The following RAI2 variants were observed in gnomAD, a reference collection of about 807,000 sequenced individuals.
RAI2 encodes retinoic acid induced 2.
In RAI2, 5 loss-of-function variants were observed where a neutral mutation model predicts 15.3. The ratio of observed to expected loss-of-function variants is 0.33; its 90% CI spans 0.17 to 0.69. RAI2 has a LOEUF of 0.69. Ranked by LOEUF, RAI2 falls within the 30% of genes least tolerant of loss-of-function variation. RAI2 has a pLI of 0.69. For missense variants in RAI2, 424 were observed against 424.7 expected (o/e 1.00, Z 0.01); for synonymous variants, 191 against 184.0 (o/e 1.04, Z -0.31).
At chrX:17,810,024 G>A (rs1480414231) in intron 1 of RAI2, among the ~76,000 whole-genome samples, 1 of 111,314 alleles carries the variant, frequency 9.0e-6, no homozygotes, top group Non-Finnish European at 1.9e-5. Flanking sequence ...CTCCCACCTC[G>A]ACTTCCCAAA....
chrX:17,836,076 ACCCCTCAACTCCCACC>A (rs2067330540), intron 1 of RAI2, among the ~76,000 whole-genome samples: 1 of 109,573 alleles, frequency 9.1e-6, no homozygotes, highest in Admixed American at 9.7e-5. Context: ...AACAATACCC[ACCCCTCAACTCCCACC>A]CCTGCAACCC....
At chrX:17,804,859 C>G (rs1461658616) in intron 1 of RAI2, among the ~76,000 whole-genome samples, 1 of 112,784 alleles carries the variant, frequency 8.9e-6, no homozygotes, top group Non-Finnish European at 1.9e-5. Flanking sequence ...TCAGTCCCTT[C>G]CCTGCCTGGC....
intron 1 of RAI2, among the ~76,000 whole-genome samples, chrX:17,803,217 A>C (rs2066938212): frequency 1.8e-5 from 2 of 111,219 alleles, no homozygotes; most frequent in Non-Finnish European, 3.8e-5. Context: ...GGCCCAGCAC[A>C]CCATGGGGCT....
At chrX:17,818,134 T>G (rs947048453) in intron 1 of RAI2, among the ~76,000 whole-genome samples, 1 of 111,685 alleles carries the variant, frequency 9.0e-6, no homozygotes, top group African/African-American at 3.3e-5. Context: ...GCCCCTATTT[T>G]ATAGATCAAG....
intron 1 of RAI2, among the ~76,000 whole-genome samples, chrX:17,835,021 C>T (rs1391896481): frequency 9.0e-6 from 1 of 111,425 alleles, no homozygotes; most frequent in Non-Finnish European, 1.9e-5. Context: ...TTACTTTTCA[C>T]TGGCACCTGT....
chrX:17,805,939 C>T (rs906282321), intron 1 of RAI2, among the ~76,000 whole-genome samples: 1 of 111,695 alleles, frequency 9.0e-6, no homozygotes, highest in African/African-American at 3.3e-5. Flanking sequence ...AAGCCTCGTT[C>T]GGTCTTTCTC....
chrX:17,849,851 C>A (rs372406870), intron 1 of RAI2, among the ~76,000 whole-genome samples: 4 of 112,817 alleles, frequency 3.5e-5, no homozygotes, highest in Non-Finnish European at 7.5e-5. Context: ...ATTCTTGAAA[C>A]CAGAAAGCCT....
rs2067280837 is a variant in RAI2 at position 17,831,375 on chromosome X, C to CA, written c.-24-29342dup. On this transcript the variant is annotated intron_variant, in intron 1 of 1. Transcript: ENST00000451717. The stretch of plus-strand genomic sequence containing the variant: ...ATTAAAAAGCTTTTTTTTAAAAAAA[C>CA]AAAAAACAAAAAACAATAACTGGGC... 2.7e-5 allele frequency among the ~76,000 whole-genome samples: 3 copies of CA among 111,055 alleles called. No homozygotes were observed. In the Admixed American group the frequency reaches 2.9e-4, roughly 11 times the overall value.
chrX:17,822,802 C>T (rs1364851023), intron 1 of RAI2, among the ~76,000 whole-genome samples: 1 of 112,159 alleles, frequency 8.9e-6, no homozygotes, highest in Non-Finnish European at 1.9e-5. Context: ...GAACCGTCTA[C>T]TTTTAGTTAC....
chrX:17,841,184 G>A (rs760891169), intron 1 of RAI2, among the ~76,000 whole-genome samples: 1 of 110,858 alleles, frequency 9.0e-6, no homozygotes, highest in Non-Finnish European at 1.9e-5. Flanking sequence ...TCCTGCCACC[G>A]TCTGAGATAC....
intron 1 of RAI2, among the ~76,000 whole-genome samples, chrX:17,849,531 A>C (rs1569357315): frequency 8.9e-6 from 1 of 112,714 alleles, no homozygotes; most frequent in Non-Finnish European, 1.9e-5. Context: ...GAAATAAAAT[A>C]ATATATGTAA....
chrX:17,836,286 G>A (rs969336011), intron 1 of RAI2, among the ~76,000 whole-genome samples: 2 of 111,912 alleles, frequency 1.8e-5, no homozygotes, highest in African/African-American at 6.5e-5. Context: ...CCTGTCATAA[G>A]TTGAAAATAT....
chrX:17,835,155 A>C (rs756828814), intron 1 of RAI2, among the ~76,000 whole-genome samples: 3 of 112,146 alleles, frequency 2.7e-5, no homozygotes, highest in African/African-American at 9.7e-5. Context: ...CCCATACGCT[A>C]CCATTCAGAA....
chrX:17,818,186 T>A (rs2067126629), intron 1 of RAI2, among the ~76,000 whole-genome samples: 1 of 112,485 alleles, frequency 8.9e-6, no homozygotes. Context: ...ACGTCAGAGC[T>A]GACTTGAACC....
At chrX:17,835,334 T>C (rs1218393014) in intron 1 of RAI2, among the ~76,000 whole-genome samples, 1 of 112,316 alleles carries the variant, frequency 8.9e-6, no homozygotes, top group East Asian at 2.8e-4. Flanking sequence ...GTTAATAGAA[T>C]GTAACTTAAA....
Position 17,803,824 on chromosome X carries a change from T to G in RAI2, c.-24-1790A>C, listed in dbSNP as rs1367681093. 8.9e-5 allele frequency among the ~76,000 whole-genome samples: 10 copies of G among 111,983 alleles called. No individual in the cohort carries two copies. The Admixed American group carries it at 9.3e-4, about 10-fold the overall frequency. On this transcript the variant is annotated intron_variant, in intron 1 of 1. Coordinates refer to ENST00000451717, the MANE Select transcript of RAI2 (RefSeq NM_021785.6). Reference sequence around the variant, plus strand: ...GCCAGTAACCCCCTTGGGACAGAGTTGGGAGGCAGCCTGGCCCCAGGGAGG... The same window carrying G: ...GCCAGTAACCCCCTTGGGACAGAGTGGGGAGGCAGCCTGGCCCCAGGGAGG...
Position 17,800,310 on chromosome X carries a change from A to G in RAI2, c.*108T>C. 4 of 1,030,214 alleles carry G rather than the reference A, an allele frequency of 3.9e-6. No homozygotes were observed. The highest frequency in any genetic ancestry group is 5.1e-6 in the Non-Finnish European group (4 of 778,276). 84.9% of individuals were successfully genotyped at this position (1,030,214 alleles called of 1,213,427 possible). A position where few individuals can be genotyped will look rare whatever the true frequency, so the allele number is the denominator to read the frequency against. On this transcript the variant is annotated 3_prime_UTR_variant, in exon 2 of 2. Coordinates refer to ENST00000451717, the MANE Select transcript of RAI2 (RefSeq NM_021785.6). ...AGCCAATTCACCTTTCCATTTCCCA[A>G]CTACTCCCCAAAATAATTAACAAAG...
intron 1 of RAI2, among the ~76,000 whole-genome samples, chrX:17,846,003 C>T (rs757636850): frequency 3.6e-5 from 4 of 111,829 alleles, no homozygotes; most frequent in South Asian, 3.8e-4. Context: ...TGGCATAGGG[C>T]GGTCTAGTTT....
chrX:17,856,359 G>C (rs752040120), intron 1 of RAI2, among the ~76,000 whole-genome samples: 3 of 111,734 alleles, frequency 2.7e-5, no homozygotes, highest in Non-Finnish European at 5.6e-5. Flanking sequence ...TAGGTCGTGA[G>C]AGTGGAGCCT....
Sources: allele counts gnomAD v4.1 joint callset (sites outside exome capture counted in the v4.1 genomes callset), GRCh38; gene constraint gnomAD v4.1.1; transcripts MANE v1.5; gene names NCBI Gene and HGNC (gene_info 2026-07-23, HGNC 2026-07-21).